FMNL2: variants seen among roughly 807,000 people sequenced by gnomAD.
FMNL2 encodes formin like 2.
Under a neutral mutation model 130.2 loss-of-function variants are expected in FMNL2, and 51 were observed. The observed-to-expected ratio is 0.39, with a 90% CI of 0.31 to 0.49. The LOEUF is 0.49. FMNL2 is among the 20% of genes least tolerant of loss of function. The pLI, the probability that FMNL2 is intolerant of heterozygous loss-of-function variation, is 0.85. For synonymous variants in FMNL2, 465 were observed against 467.1 expected, an observed-to-expected ratio of 1.00 and a Z score of 0.06; for missense variants, 977 against 1,316.2, an observed-to-expected ratio of 0.74 and a Z score of 3.99.
chr2:152,632,176 T>C, intron 21 of FMNL2, 39 bp downstream of exon 21: 2 of 1,590,800 alleles, frequency 1.3e-6, no homozygotes, highest in Non-Finnish European at 1.7e-6. Context: ...CTTGGGTATT[T>C]AATGCCTTTA....
Position 152,560,799 on chromosome 2 carries a change from G to C in FMNL2, c.444-84G>C, listed in dbSNP as rs1695478123. 5.3e-6 allele frequency: 7 copies of C among 1,312,746 alleles called. No individual in the cohort carries two copies. In the South Asian group the frequency reaches 9.8e-5, roughly 18 times the overall value. The allele number at this position is 1,312,746 out of a possible 1,614,324, so 81.3% of individuals were successfully genotyped here. A position where few individuals can be genotyped will look rare whatever the true frequency, so the allele number is the denominator to read the frequency against. ...TTCCATACTAAGGTGCAGATGTCTT[G>C]TAGGAACAGCAAGTTATACATGTTC... On this transcript the variant is annotated intron_variant, in intron 5 of 25. Transcript: ENST00000288670.
intron 7 of FMNL2, among the ~76,000 whole-genome samples, chr2:152,576,090 TA>T (rs1040887133): frequency 2.6e-5 from 4 of 152,076 alleles, no homozygotes; most frequent in African/African-American, 9.7e-5. Flanking sequence ...AATTCAAATA[TA>T]GAAATAGGAT....
intron 1 of FMNL2, among the ~76,000 whole-genome samples, chr2:152,371,383 A>C (rs191664819): frequency 1.0e-3 from 155 of 152,186 alleles, no homozygotes; most frequent in African/African-American, 3.6e-3. Context: ...GTCGAAATGT[A>C]ATCCCTGCTG....
intron 8 of FMNL2, among the ~76,000 whole-genome samples, chr2:152,580,168 G>T (rs1372243400): frequency 6.6e-6 from 1 of 152,146 alleles, no homozygotes; most frequent in Non-Finnish European, 1.5e-5. Context: ...TGACATTGTG[G>T]AGTATCAGAA....
In FMNL2 at chr2:152,629,675, C is replaced by A; in HGVS notation, c.2420C>A (p.Ala807Glu). The A allele has an allele frequency of 6.2e-7, 1 of 1,601,146 alleles. No homozygotes were observed. The highest frequency in any genetic ancestry group is 1.1e-5 in the South Asian group (1 of 88,906). Residue 807 changes from alanine to glutamate, a missense_variant, in exon 19 of 26, where the codon GCA becomes GAA. By Grantham distance (107) the Ala-to-Glu change is moderately radical. This residue lies in a region of FMNL2 where 689 missense variants were observed against 995.9 expected (regional missense o/e 0.69). Coordinates refer to ENST00000288670, the MANE Select transcript of FMNL2 (RefSeq NM_052905.4). ...MLTPQLHAII[A>E]ASVSIKSSQK... Reference sequence around the variant, plus strand: ...ATCTAGCAACTACATGCGATTATAGCAGCATCTGTCTCTATAAAGTCGTCC... The same window carrying A: ...ATCTAGCAACTACATGCGATTATAGAAGCATCTGTCTCTATAAAGTCGTCC...
At chr2:152,529,028 G>T (rs1470637150) in intron 2 of FMNL2, among the ~76,000 whole-genome samples, 1 of 152,204 alleles carries the variant, frequency 6.6e-6, no homozygotes. Flanking sequence ...ACGGAGACTA[G>T]CTGAGCACCC....
At chr2:152,571,699 G>A (rs142225662) in intron 6 of FMNL2, among the ~76,000 whole-genome samples, 82 of 152,298 alleles carry the variant, frequency 5.4e-4, no homozygotes, top group Admixed American at 9.2e-4. Flanking sequence ...GGAAAACGAA[G>A]AAAGTTTAGC....
rs142842065 is a variant in FMNL2, at chr2:152,629,769, C to T, written c.2469+45C>T. 6.2e-3 allele frequency: 9,890 copies of T among 1,603,154 alleles called. 49 individuals are homozygous for T. The highest frequency in any genetic ancestry group is 7.7e-3 in the Non-Finnish European group (9,021 of 1,173,914). On this transcript the variant is annotated intron_variant, in intron 19 of 25. Transcript: ENST00000288670. ...TAGGTATGAAGGACTACTTCAGCTG[C>T]GTTCAGTGCCTGATGTGCTGTACTG...
chr2:152,442,436 G>A (rs1222148611), intron 1 of FMNL2, among the ~76,000 whole-genome samples: 1 of 151,838 alleles, frequency 6.6e-6, no homozygotes, highest in African/African-American at 2.4e-5. Flanking sequence ...ATTTTTATGA[G>A]AGATGTTTCA....
At chr2:152,579,836 A>G (rs1696683292) in intron 8 of FMNL2, among the ~76,000 whole-genome samples, 1 of 152,262 alleles carries the variant, frequency 6.6e-6, no homozygotes, top group South Asian at 2.1e-4. Context: ...CATCAATTGT[A>G]GTTATTTTAA....
At position 152,611,560 on chromosome 2, in the gene FMNL2, C is replaced by T. The variant is rs935642997; in HGVS notation, c.1017C>T (p.His339=). 7.5e-6 allele frequency: 12 copies of T among 1,604,332 alleles called. No individual in the cohort carries two copies. Among genetic ancestry groups the T allele is most frequent in the Middle Eastern group, 1.6e-4 (1 of 6,074 alleles). The change falls in exon 11 of 26, where the codon CAC becomes CAT. Residue 339 remains histidine (H), a synonymous_variant. Coordinates refer to ENST00000288670, the MANE Select transcript of FMNL2 (RefSeq NM_052905.4). ...HSVEDMNFRV[H]LQYEFTKLGL... is the part of the protein sequence containing the mutation. The stretch of plus-strand genomic sequence containing the variant: ...TAGAAGATATGAATTTCAGAGTTCA[C>T]CTGCAGTATGAATTTACCAAATTAG...
At chr2:152,589,965 A>ATGTATG (rs1189508562) in intron 9 of FMNL2, among the ~76,000 whole-genome samples, 11 of 48,632 alleles carry the variant, frequency 2.3e-4, no homozygotes, top group Admixed American at 1.4e-3. Context: ...ATATATATAT[A>ATGTATG]TATATATATA....
At chr2:152,643,580 C>G (rs1683286948) in intron 25 of FMNL2, 5 of 1,529,570 alleles carry the variant, frequency 3.3e-6, no homozygotes, top group East Asian at 4.9e-5. Context: ...ATGTCCCCCT[C>G]TGTGTGTCTG....
intron 1 of FMNL2, among the ~76,000 whole-genome samples, chr2:152,369,302 AT>A (rs1683737793): frequency 6.6e-6 from 1 of 152,246 alleles, no homozygotes; most frequent in Non-Finnish European, 1.5e-5. Context: ...TAGGGTCAGC[AT>A]TACCTTGCTG....
Position 152,439,656 on chromosome 2 carries a change from C to T in FMNL2, c.118-82287C>T, listed in dbSNP as rs543730776. On this transcript the variant is annotated intron_variant, in intron 1 of 25. Coordinates refer to ENST00000288670, the MANE Select transcript of FMNL2 (RefSeq NM_052905.4). ...TAATGTGCCTGTTGCAATACTTCCA[C>T]GTAATAGGGACTCATTCCTTTCTTT... Among the ~76,000 whole-genome samples, 12 of 151,886 alleles carry T rather than the reference C, an allele frequency of 7.9e-5. No homozygotes were observed. In the South Asian group the frequency reaches 1.7e-3, roughly 21 times the overall value.
At chr2:152,591,607 A>G (rs968768352) in intron 9 of FMNL2, among the ~76,000 whole-genome samples, 1 of 152,234 alleles carries the variant, frequency 6.6e-6, no homozygotes. Context: ...GGAGTTCACA[A>G]TTAGCATGAG....
chr2:152,400,334 GA>G (rs1685617846), intron 1 of FMNL2, among the ~76,000 whole-genome samples: 1 of 152,184 alleles, frequency 6.6e-6, no homozygotes, highest in African/African-American at 2.4e-5. Flanking sequence ...TCTGTGGGCT[GA>G]GGCAGAAGAA....
chr2:152,607,289 G>T, intron 9 of FMNL2, 50 bp from the exon 10 acceptor site: 1 of 1,471,920 alleles, frequency 6.8e-7, no homozygotes. Flanking sequence ...TCTAATTTTG[G>T]AATGTTTATG....
intron 1 of FMNL2, among the ~76,000 whole-genome samples, chr2:152,360,195 C>G (rs764827360): frequency 6.6e-6 from 1 of 152,162 alleles, no homozygotes; most frequent in Non-Finnish European, 1.5e-5. Context: ...ATGTATCTTA[C>G]TTGTTGAATA....
Sources: allele counts gnomAD v4.1 joint callset (sites outside exome capture counted in the v4.1 genomes callset), GRCh38; gene constraint gnomAD v4.1.1; regional missense constraint gnomAD v4.1.1; transcripts MANE v1.5; gene names NCBI Gene and HGNC (gene_info 2026-07-23, HGNC 2026-07-21).